Variants in FKBP14 observed in about 807,000 individuals in gnomAD.
FKBP14 encodes the protein peptidyl-prolyl cis-trans isomerase FKBP14.
A neutral mutation model predicts 21.6 loss-of-function variants in FKBP14; 20 were observed. The ratio of observed to expected loss-of-function variants is 0.92; its 90% CI spans 0.65 to 1.34. The LOEUF is 1.34. Ranked by LOEUF, FKBP14 falls within the 40% of genes most tolerant of loss-of-function variation. FKBP14 has a pLI of 0.00. For missense variants in FKBP14, 253 were observed against 249.0 expected (o/e 1.02, Z -0.11); for synonymous variants, 79 against 86.7 (o/e 0.91, Z 0.49).
At chr7:30,025,095 C>T (rs1238783818) in intron 1 of FKBP14, among the ~76,000 whole-genome samples, 2 of 152,268 alleles carry the variant, frequency 1.3e-5, no homozygotes, top group South Asian at 2.1e-4. Context: ...CAGACCAGGT[C>T]TGAATGCCCA....
In FKBP14 at chr7:30,014,823, A is replaced by G; in HGVS notation, c.548T>C (p.Leu183Ser). Residue 183 changes from leucine (L) to serine (S), a missense_variant, in exon 4 of 4, where the codon TTG (leucine) becomes TCG (serine). Transcript: ENST00000222803. ...TTCTTTATCAAAAATATCCTCCACC[A>G]AAGCATCATGATGACTTTCATTCAC... Reference protein sequence around the residue: ...AVVNESHHDALVEDIFDKEDE... With the variant: ...AVVNESHHDASVEDIFDKEDE... 6.2e-7 allele frequency: 1 copy of G among 1,611,822 alleles called. No homozygotes were observed. Among genetic ancestry groups the G allele is most frequent in the Non-Finnish European group, 8.5e-7 (1 of 1,179,330 alleles).
At position 30,010,943 on chromosome 7, in the gene FKBP14, T is replaced by C. The variant is rs1789706665; in HGVS notation, c.*3792A>G. 6.6e-6 allele frequency: 1 copy of C among 152,204 alleles called. No individual in the cohort carries two copies. The highest frequency in any genetic ancestry group is 2.1e-4 in the South Asian group (1 of 4,832). 9.4% of individuals were successfully genotyped at this position (152,204 alleles called of 1,614,324 possible). On this transcript the variant is annotated 3_prime_UTR_variant, in exon 4 of 4. Transcript: ENST00000222803. Reference sequence around the variant, plus strand: ...GCAATGTGTGTTTTAAGCTACGTTATTACTAGAAGAGTCCAAAAATTGTTT... The same window carrying C: ...GCAATGTGTGTTTTAAGCTACGTTACTACTAGAAGAGTCCAAAAATTGTTT...
At chr7:30,024,977 C>T (rs1275638616) in intron 1 of FKBP14, among the ~76,000 whole-genome samples, 1 of 152,156 alleles carries the variant, frequency 6.6e-6, no homozygotes, top group African/African-American at 2.4e-5. Context: ...ACCTAGTTGA[C>T]AAGAAGAAAG....
At chr7:30,010,414 T>C (rs79351482), downstream of FKBP14, among the ~76,000 whole-genome samples, 1 of 152,334 alleles carries the variant, frequency 6.6e-6, no homozygotes, top group African/African-American at 2.4e-5. Flanking sequence ...CAGCTTTTCT[T>C]ACAAATATAC....
chr7:30,026,305 T>TA lies in FKBP14; in HGVS notation c.197+6dup, dbSNP rs771266046. ...TACTATTTTACCTGCGGGGCATAATTACTTACGTGGAGTGAAATAAGGAGC... is the reference window on the plus strand; with the variant it reads ...TACTATTTTACCTGCGGGGCATAATTAACTTACGTGGAGTGAAATAAGGAGC... On this transcript the variant is annotated splice_region_variant and intron_variant, in intron 1 of 3. Transcript: ENST00000222803. 2 of 1,594,570 alleles carry TA rather than the reference T, an allele frequency of 1.3e-6. No homozygotes were observed. Among genetic ancestry groups the TA allele is most frequent in the Admixed American group, 3.5e-5 (2 of 57,224 alleles).
intron 2 of FKBP14, chr7:30,022,428 G>A: frequency 2.5e-6 from 1 of 393,578 alleles, no homozygotes; most frequent in South Asian, 4.9e-5. Flanking sequence ...TTTGTGAACA[G>A]TATTAATAGA....
Position 30,013,805 on chromosome 7 carries a change from T to C in FKBP14, c.*930A>G, listed in dbSNP as rs927738166. 1.3e-5 allele frequency: 2 copies of C among 152,208 alleles called. No homozygotes were observed. Among genetic ancestry groups the C allele is most frequent in the African/African-American group, 4.8e-5 (2 of 41,464 alleles). 9.4% of individuals were successfully genotyped at this position (152,208 alleles called of 1,614,324 possible). On this transcript the variant is annotated 3_prime_UTR_variant, in exon 4 of 4. Coordinates refer to ENST00000222803, the MANE Select transcript of FKBP14 (RefSeq NM_017946.4). ...CCTATTTATCATAATAGGCCACCAA[T>C]CACTAGGAGCCAAGCTTCATCAGCT...
intron 1 of FKBP14, 47 bp from the exon 2 acceptor site, chr7:30,022,863 A>C: frequency 6.4e-7 from 1 of 1,555,498 alleles, no homozygotes; most frequent in Non-Finnish European, 8.7e-7. Flanking sequence ...AACTCTAAAA[A>C]ATTTTCTTTA....
At chr7:30,006,116 C>G (rs1315006527), downstream of FKBP14, among the ~76,000 whole-genome samples, 1 of 110,354 alleles carries the variant, frequency 9.1e-6, no homozygotes, top group Admixed American at 1.0e-4. Flanking sequence ...TTAGGATAGT[C>G]TTTTTTTTTT....
In FKBP14 at chr7:30,011,040, T is replaced by C. The variant is rs753664013; in HGVS notation, c.*3695A>G. ...TTTTTTATTATTTCTATAAAAATTA[T>C]AGAATTTTTTTTTTTGAGACAGAGT... On this transcript the variant is annotated 3_prime_UTR_variant, in exon 4 of 4. Transcript: ENST00000222803. 9 of 152,024 alleles carry C rather than the reference T, an allele frequency of 5.9e-5. No individual in the cohort carries two copies. Among genetic ancestry groups the C allele is most frequent in the Non-Finnish European group, 1.3e-4 (9 of 68,012 alleles). 9.4% of individuals were successfully genotyped at this position (152,024 alleles called of 1,614,324 possible). A position where few individuals can be genotyped will look rare whatever the true frequency, so the allele number is the denominator to read the frequency against.
In FKBP14 at chr7:30,026,627, C is replaced by T. The variant is rs966406365; in HGVS notation, c.-119G>A. ...GGCTTCAGACAAGTTCAGGACTCCC[C>T]CTTCTTAGAAGACGTGGCACATTTA... is the stretch of plus-strand genomic sequence containing the variant. On this transcript the variant is annotated 5_prime_UTR_variant, in exon 1 of 4. Coordinates refer to ENST00000222803, the MANE Select transcript of FKBP14 (RefSeq NM_017946.4). 4.7e-6 allele frequency: 4 copies of T among 844,386 alleles called. No individual in the cohort carries two copies. In the South Asian group the frequency reaches 6.2e-5, roughly 13 times the overall value. The allele number at this position is 844,386 out of a possible 1,614,324, so 52.3% of individuals were successfully genotyped here.
chr7:30,018,038 TA>T (rs1789939613), intron 3 of FKBP14, among the ~76,000 whole-genome samples: 2 of 151,544 alleles, frequency 1.3e-5, no homozygotes, highest in African/African-American at 4.8e-5. Context: ...AATAAATAAA[TA>T]AATAAATAGA....
intron 2 of FKBP14, among the ~76,000 whole-genome samples, chr7:30,022,131 G>C (rs904409664): frequency 6.6e-6 from 1 of 152,146 alleles, no homozygotes; most frequent in Non-Finnish European, 1.5e-5. Context: ...TATTCATGAA[G>C]TACAACCCAT....
chr7:30,007,947 G>T (rs1415523410), downstream of FKBP14, among the ~76,000 whole-genome samples: 1 of 152,162 alleles, frequency 6.6e-6, no homozygotes, highest in Non-Finnish European at 1.5e-5. Context: ...TACTTGGGAG[G>T]CTGAGGCAGG....
In FKBP14 at chr7:30,010,923, G is replaced by A. The variant is rs1406000501; in HGVS notation, c.*3812C>T. 6.6e-6 allele frequency: 1 copy of A among 152,142 alleles called. No individual in the cohort carries two copies. The highest frequency in any genetic ancestry group is 1.5e-5 in the Non-Finnish European group (1 of 68,026). The allele number at this position is 152,142 out of a possible 1,614,324, so 9.4% of individuals were successfully genotyped here. A position where few individuals can be genotyped will look rare whatever the true frequency, so the allele number is the denominator to read the frequency against. On this transcript the variant is annotated 3_prime_UTR_variant, in exon 4 of 4. Transcript: ENST00000222803. ...AAATATTTTTGTACAGCTATGCAAT[G>A]TGTGTTTTAAGCTACGTTATTACTA... is the stretch of plus-strand genomic sequence containing the variant.
chr7:30,021,454 A>G (rs1286181743), intron 2 of FKBP14, among the ~76,000 whole-genome samples: 1 of 152,172 alleles, frequency 6.6e-6, no homozygotes, highest in Admixed American at 6.5e-5. Flanking sequence ...CTTAGAAACA[A>G]TGCAATTATG....
At chr7:30,015,389 G>C (rs1465765812) in intron 3 of FKBP14, among the ~76,000 whole-genome samples, 3 of 151,572 alleles carry the variant, frequency 2.0e-5, no homozygotes, top group African/African-American at 7.3e-5. Context: ...CTGCCCTCCA[G>C]CCTGGGCAAC....
At chr7:30,007,825 G>C (rs1450107200), downstream of FKBP14, among the ~76,000 whole-genome samples, 5 of 152,080 alleles carry the variant, frequency 3.3e-5, no homozygotes, top group Non-Finnish European at 4.4e-5. Context: ...GAGGTGGGGG[G>C]ATCACTTGAG....
At chr7:30,020,393 A>C (rs988740896) in intron 2 of FKBP14, 1 of 561,276 alleles carries the variant, frequency 1.8e-6, no homozygotes, top group African/African-American at 2.0e-5. Flanking sequence ...ATCTCTACTT[A>C]TTGTGAAGTA....
Sources: allele counts gnomAD v4.1 joint callset (sites outside exome capture counted in the v4.1 genomes callset), GRCh38; gene constraint gnomAD v4.1.1; transcripts MANE v1.5; gene names NCBI Gene and HGNC (gene_info 2026-07-23, HGNC 2026-07-21).